Variants in RBFOX3 observed in about 807,000 individuals in gnomAD.
RBFOX3 encodes RNA binding protein fox-1 homolog 3.
RBFOX3 carries 17 observed loss-of-function variants against 48.7 expected under a neutral mutation model. The observed-to-expected ratio is 0.35, with a 90% CI of 0.24 to 0.52. RBFOX3 has a LOEUF of 0.52. Ranked by LOEUF, RBFOX3 falls within the 20% of genes least tolerant of loss-of-function variation. The pLI is 0.94. For synonymous variants in RBFOX3, 212 were observed against 209.5 expected, an observed-to-expected ratio of 1.01 and a Z score of -0.10; for missense variants, 382 against 497.5, an observed-to-expected ratio of 0.77 and a Z score of 2.21.
chr17:79,382,482 T>C (rs1250506289), intron 2 of RBFOX3, among the ~76,000 whole-genome samples: 1 of 152,244 alleles, frequency 6.6e-6, no homozygotes, highest in African/African-American at 2.4e-5. Flanking sequence ...CAGGGGGTTC[T>C]TGGGCAAACC....
intron 1 of RBFOX3, among the ~76,000 whole-genome samples, chr17:79,594,644 G>A (rs994243312): frequency 2.0e-5 from 3 of 152,272 alleles, no homozygotes; most frequent in African/African-American, 2.4e-5. Context: ...CTCGAGGGCA[G>A]TGTGAGCAGA....
chr17:79,581,602 C>T lies in RBFOX3; in HGVS notation c.-320+29224G>A, dbSNP rs1022534777. ...AGACGCTCCTTGGCCTGCCTTGCCC[C>T]GAGGCTGAGGATGCTCTGCCCATTA... On this transcript the variant is annotated intron_variant, in intron 1 of 14. Transcript: ENST00000693108. Among the ~76,000 whole-genome samples, 131 of 152,350 alleles carry T rather than the reference C, an allele frequency of 8.6e-4. 4 individuals are homozygous for T. In the South Asian group the frequency reaches 0.018, roughly 21 times the overall value.
intron 2 of RBFOX3, among the ~76,000 whole-genome samples, chr17:79,308,582 T>G (rs1031039657): frequency 2.0e-5 from 3 of 152,182 alleles, no homozygotes; most frequent in Non-Finnish European, 4.4e-5. Context: ...GAGTCTGCCA[T>G]GGTCCGAGTG....
intron 9 of RBFOX3, chr17:79,099,626 C>A (rs994621055): frequency 2.0e-5 from 3 of 152,220 alleles, no homozygotes; most frequent in Admixed American, 1.3e-4. Flanking sequence ...TGGCCCTGGG[C>A]ACCTTCACCT....
At position 79,415,760 on chromosome 17, in the gene RBFOX3, G is replaced by T. The variant is rs563009474; in HGVS notation, c.-175+66694C>A. The stretch of plus-strand genomic sequence containing the variant: ...TTAGGTGAAACTCTTCTTTCATCTG[G>T]GCCCTGGGGGAGGCAGAGTCTGTGT... On this transcript the variant is annotated intron_variant, in intron 2 of 14. Transcript: ENST00000693108. 2.6e-5 allele frequency among the ~76,000 whole-genome samples: 4 copies of T among 152,286 alleles called. No individual in the cohort carries two copies. In the South Asian group the frequency reaches 8.3e-4, roughly 32 times the overall value.
chr17:79,594,298 T>C (rs1213160115), intron 1 of RBFOX3, among the ~76,000 whole-genome samples: 1 of 152,142 alleles, frequency 6.6e-6, no homozygotes, highest in African/African-American at 2.4e-5. Context: ...AGATTCTGCA[T>C]ATGGAGCTGT....
At chr17:79,530,876 A>G (rs920086615) in intron 1 of RBFOX3, among the ~76,000 whole-genome samples, 3 of 152,222 alleles carry the variant, frequency 2.0e-5, no homozygotes, top group Non-Finnish European at 4.4e-5. Context: ...GCGGATTCTA[A>G]GTAACTCACG....
chr17:79,336,386 CAAAA>C (rs1475026180), intron 2 of RBFOX3, among the ~76,000 whole-genome samples: 1 of 74,808 alleles, frequency 1.3e-5, no homozygotes, highest in African/African-American at 5.1e-5. Context: ...GATTTCATCT[CAAAA>C]AATAAATAAA....
intron 2 of RBFOX3, among the ~76,000 whole-genome samples, chr17:79,335,982 C>T (rs993656286): frequency 9.2e-5 from 14 of 152,248 alleles, no homozygotes; most frequent in Admixed American, 2.0e-4. Flanking sequence ...ACCTGCCGGT[C>T]TGCCTGCGCC....
At chr17:79,192,893 CTG>C (rs1408795100) in intron 4 of RBFOX3, among the ~76,000 whole-genome samples, 1 of 152,228 alleles carries the variant, frequency 6.6e-6, no homozygotes, top group Non-Finnish European at 1.5e-5. Context: ...CTCACTGGCT[CTG>C]TCTCCCTTTA....
chr17:79,367,456 C>T (rs372214551), intron 2 of RBFOX3, among the ~76,000 whole-genome samples: 31 of 151,974 alleles, frequency 2.0e-4, no homozygotes, highest in African/African-American at 7.2e-4. Context: ...ATCACATTGG[C>T]CAGATTCATG....
intron 2 of RBFOX3, among the ~76,000 whole-genome samples, chr17:79,434,729 G>A (rs1157972391): frequency 6.6e-6 from 1 of 152,162 alleles, no homozygotes; most frequent in South Asian, 2.1e-4. Context: ...GGGAAGAGAG[G>A]ATTCAATTCA....
At chr17:79,581,091 C>A (rs1366463647) in intron 1 of RBFOX3, among the ~76,000 whole-genome samples, 1 of 151,914 alleles carries the variant, frequency 6.6e-6, no homozygotes, top group Non-Finnish European at 1.5e-5. Context: ...ACTAAAAATA[C>A]AAAAAAATTA....
intron 3 of RBFOX3, among the ~76,000 whole-genome samples, chr17:79,269,269 G>A (rs2067257614): frequency 6.6e-6 from 1 of 152,192 alleles, no homozygotes; most frequent in Admixed American, 6.5e-5. Flanking sequence ...CAGAGAAAAT[G>A]CAGCCCTGCC....
chr17:79,289,369 G>A (rs1441645507), intron 3 of RBFOX3, among the ~76,000 whole-genome samples: 1 of 152,234 alleles, frequency 6.6e-6, no homozygotes, highest in Non-Finnish European at 1.5e-5. Flanking sequence ...CCCAGGACCA[G>A]CTTTGTAGAC....
At chr17:79,629,145 T>C in the RBFOX3 span, among the ~76,000 whole-genome samples, 1 of 152,132 alleles carries the variant, frequency 6.6e-6, no homozygotes, top group Non-Finnish European at 1.5e-5. Context: ...GACAGGTGGG[T>C]GAACAGCCAG....
the RBFOX3 span, among the ~76,000 whole-genome samples, chr17:79,617,026 G>GT: frequency 6.6e-6 from 1 of 152,110 alleles, no homozygotes; most frequent in Non-Finnish European, 1.5e-5. Context: ...TCCGCCGGCT[G>GT]GCTCTCCGCT....
intron 1 of RBFOX3, among the ~76,000 whole-genome samples, chr17:79,608,294 G>T (rs1226250247): frequency 6.6e-6 from 1 of 152,210 alleles, no homozygotes; most frequent in Non-Finnish European, 1.5e-5. Context: ...CACTGGGTGC[G>T]GAGCATTTGC....
At chr17:79,452,265 C>T (rs1359687853) in intron 2 of RBFOX3, among the ~76,000 whole-genome samples, 6 of 152,094 alleles carry the variant, frequency 3.9e-5, no homozygotes. Flanking sequence ...AGACTGGGAG[C>T]TCAGATGGGC....
Sources: allele counts gnomAD v4.1 joint callset (sites outside exome capture counted in the v4.1 genomes callset), GRCh38; gene constraint gnomAD v4.1.1; transcripts MANE v1.5; gene names NCBI Gene and HGNC (gene_info 2026-07-23, HGNC 2026-07-21).